Variants in MMP20 observed in about 807,000 individuals in gnomAD.
MMP20 encodes the protein matrix metalloproteinase-20.
MMP20 carries 50 observed loss-of-function variants against 51.8 expected under a neutral mutation model. The ratio of observed to expected loss-of-function variants is 0.97; its 90% confidence interval spans 0.77 to 1.22. The LOEUF is 1.22. Ranked by LOEUF, MMP20 falls within the 50% of genes most tolerant of loss-of-function variation. MMP20 has a pLI of 0.00. For missense variants in MMP20, 663 were observed against 601.4 expected, an observed-to-expected ratio of 1.10 and a Z score of -1.07; for synonymous variants, 244 against 216.2, an observed-to-expected ratio of 1.13 and a Z score of -1.13.
intron 6 of MMP20, among the ~76,000 whole-genome samples, chr11:102,603,904 C>T (rs1859480102): frequency 6.6e-6 from 1 of 152,176 alleles, no homozygotes; most frequent in African/African-American, 2.4e-5. Context: ...ACCAATGTCT[C>T]ACTTACTAGT....
intron 6 of MMP20, among the ~76,000 whole-genome samples, chr11:102,597,658 T>G (rs1859397816): frequency 6.6e-6 from 1 of 152,218 alleles, no homozygotes; most frequent in Admixed American, 6.5e-5. Flanking sequence ...AGTGTCAATG[T>G]TAAGAAACCC....
At chr11:102,614,326 A>G (rs1859639850) in intron 2 of MMP20, among the ~76,000 whole-genome samples, 1 of 152,282 alleles carries the variant, frequency 6.6e-6, no homozygotes, top group African/African-American at 2.4e-5. Context: ...GATAGCCTCT[A>G]GTGTCCTTTT....
At chr11:102,614,421 T>C (rs1859641092) in intron 2 of MMP20, among the ~76,000 whole-genome samples, 1 of 152,156 alleles carries the variant, frequency 6.6e-6, no homozygotes, top group Non-Finnish European at 1.5e-5. Flanking sequence ...ACTGCCCAGC[T>C]TATCACAAGA....
Position 102,577,625 on chromosome 11 carries a change from G to A in MMP20, c.1352-199C>T, listed in dbSNP as rs373763008. Among the ~76,000 whole-genome samples, 27 of 152,262 alleles carry A rather than the reference G, an allele frequency of 1.8e-4. No homozygotes were observed. The South Asian group carries it at 4.8e-3, about 27-fold the overall frequency. ...TCAGTCATTTCTGAGCTTTCTCCTT[G>A]TTCCAGCCGGGGTAAGGCCTTCTTG... On this transcript the variant is annotated intron_variant, in intron 9 of 9. Coordinates refer to ENST00000260228, the MANE Select transcript of MMP20 (RefSeq NM_004771.4).
intron 1 of MMP20, among the ~76,000 whole-genome samples, chr11:102,619,132 C>CT (rs370360698): frequency 5.1e-4 from 75 of 146,188 alleles, no homozygotes; most frequent in Middle Eastern, 3.5e-3. Context: ...TGTTTCTCAT[C>CT]TTTTTTTTTT....
rs147183005 is a variant in MMP20, at chr11:102,609,957, C to T, written c.597G>A (p.Leu199=). 2 of 1,614,176 alleles carry T rather than the reference C, an allele frequency of 1.2e-6. No individual in the cohort carries two copies. The highest frequency in any genetic ancestry group is 1.7e-5 in the Admixed American group (1 of 60,022). Residue 199 remains leucine (L), a synonymous_variant, in exon 4 of 10, where the codon CTG becomes CTA. Transcript: ENST00000260228. ...CATTGTCGAAATGTGTATCTCCTCC[C>T]AGGCCTTCTCCAGGAGCAAATGCAT... ...LAHAFAPGEG[L]GGDTHFDNAE...
chr11:102,600,689 G>A (rs1272412523), intron 6 of MMP20, among the ~76,000 whole-genome samples: 1 of 152,122 alleles, frequency 6.6e-6, no homozygotes, highest in Non-Finnish European at 1.5e-5. Flanking sequence ...GTTTCACCAT[G>A]TTTCCCAGGC....
chr11:102,593,979 C>T (rs1859349470), intron 7 of MMP20, among the ~76,000 whole-genome samples: 1 of 152,200 alleles, frequency 6.6e-6, no homozygotes, highest in Non-Finnish European at 1.5e-5. Context: ...AACCTTATCC[C>T]TCAGTATCAA....
Position 102,609,096 on chromosome 11 carries a change from A to T in MMP20, c.652T>A (p.Phe218Ile). 6.2e-7 allele frequency: 1 copy of T among 1,614,202 alleles called. No individual in the cohort carries two copies. The highest frequency in any genetic ancestry group is 8.5e-7 in the Non-Finnish European group (1 of 1,180,014). ...TGAGCAGCAACGGTAAACAAATTAA[A>T]ACCTAGACAATATGAGAGAGAAAAA... ...AEKWTMGTNG[F>I]NLFTVAAHEF... is the part of the protein sequence containing the mutation. The change falls in exon 5 of 10, where the codon TTT (phenylalanine) becomes ATT (isoleucine). Residue 218 changes from phenylalanine to isoleucine, a missense_variant and splice_region_variant. Phe to Ile is a conservative substitution (Grantham distance 21). Transcript: ENST00000260228.
chr11:102,599,310 A>G (rs1004637682), intron 6 of MMP20, among the ~76,000 whole-genome samples: 69 of 152,246 alleles, frequency 4.5e-4, no homozygotes, highest in African/African-American at 1.6e-3. Flanking sequence ...ATGAGCCACC[A>G]TGCCGGCCTC....
At position 102,579,106 on chromosome 11, in the gene MMP20, A is replaced by G. The variant is rs557934157; in HGVS notation, c.1284T>C (p.Tyr428=). 5.6e-6 allele frequency: 9 copies of G among 1,613,638 alleles called. No individual in the cohort carries two copies. The African/African-American group carries it at 9.3e-5, about 17-fold the overall frequency. Residue 428 remains tyrosine, a synonymous_variant, in exon 9 of 10, where the codon TAT becomes TAC. Transcript: ENST00000260228. ...AAAATTCTTCTTCAGTATTCTTTGGATAGTCTTTTTCCATTTTCCTTTTCC... is the reference window on the plus strand; with the variant it reads ...AAAATTCTTCTTCAGTATTCTTTGGGTAGTCTTTTTCCATTTTCCTTTTCC... ...DERKRKMEKD[Y]PKNTEEEFSG...
intron 8 of MMP20, among the ~76,000 whole-genome samples, chr11:102,584,189 T>C (rs1859228657): frequency 6.6e-6 from 1 of 152,232 alleles, no homozygotes; most frequent in Non-Finnish European, 1.5e-5. Context: ...ATGTTCAATT[T>C]TTTGAGGAGC....
chr11:102,589,660 T>C (rs1859294769), intron 8 of MMP20, among the ~76,000 whole-genome samples: 1 of 152,306 alleles, frequency 6.6e-6, no homozygotes, highest in East Asian at 1.9e-4. Context: ...AGATTAACAC[T>C]AGGACTTTTT....
intron 6 of MMP20, among the ~76,000 whole-genome samples, chr11:102,596,633 T>G (rs866438378): frequency 2.0e-5 from 3 of 152,212 alleles, no homozygotes; most frequent in African/African-American, 7.2e-5. Context: ...AGCGTATGTT[T>G]TAACTGATGA....
chr11:102,618,878 G>T (rs907060023), intron 1 of MMP20, among the ~76,000 whole-genome samples: 1 of 152,150 alleles, frequency 6.6e-6, no homozygotes, highest in African/African-American at 2.4e-5. Context: ...TGTTTGGAGA[G>T]GGTACGCTAT....
chr11:102,618,979 T>C (rs1320084178), intron 1 of MMP20, among the ~76,000 whole-genome samples: 1 of 152,078 alleles, frequency 6.6e-6, no homozygotes, highest in Non-Finnish European at 1.5e-5. Flanking sequence ...GTAAAAACCT[T>C]AGGTGAGATG....
At chr11:102,604,330 C>A (rs1442796013) in intron 6 of MMP20, among the ~76,000 whole-genome samples, 1 of 152,140 alleles carries the variant, frequency 6.6e-6, no homozygotes, top group South Asian at 2.1e-4. Context: ...CTTACCAATT[C>A]CATTTGGTGT....
At chr11:102,591,466 A>G (rs1262456658) in intron 8 of MMP20, among the ~76,000 whole-genome samples, 1 of 152,234 alleles carries the variant, frequency 6.6e-6, no homozygotes, top group Admixed American at 6.5e-5. Flanking sequence ...TAGTTACCAT[A>G]TAAGTTCTGT....
chr11:102,577,571 C>T, intron 9 of MMP20, 145 bp from the exon 10 acceptor site: 1 of 688,030 alleles, frequency 1.5e-6, no homozygotes, highest in Non-Finnish European at 2.6e-6. Context: ...CTTCTGTCTT[C>T]ATGCCCTAGA....
Sources: allele counts gnomAD v4.1 joint callset (sites outside exome capture counted in the v4.1 genomes callset), GRCh38; gene constraint gnomAD v4.1.1; transcripts MANE v1.5; gene names NCBI Gene and HGNC (gene_info 2026-07-23, HGNC 2026-07-21).